The following RAVER2 variants were observed in gnomAD, a reference collection of about 807,000 sequenced individuals.
The protein encoded by RAVER2 is ribonucleoprotein PTB-binding 2.
A neutral mutation model predicts 78.1 loss-of-function variants in RAVER2; 46 were observed. The observed-to-expected ratio is 0.59, with a 90% CI of 0.46 to 0.75. The LOEUF is 0.75. Among genes scored for constraint, RAVER2 ranks in the 30% least tolerant of loss-of-function variants. The pLI, the probability that RAVER2 is intolerant of heterozygous loss-of-function variation, is 0.00. For missense variants in RAVER2, 793 were observed against 837.5 expected (o/e 0.95, Z 0.66); for synonymous variants, 311 against 313.3 (o/e 0.99, Z 0.08).
At chr1:64,767,357 G>A (rs966491160) in intron 1 of RAVER2, among the ~76,000 whole-genome samples, 2 of 152,036 alleles carry the variant, frequency 1.3e-5, no homozygotes, top group African/African-American at 2.4e-5. Context: ...GAGGTTGAGT[G>A]TCATCCTTGG....
intron 1 of RAVER2, among the ~76,000 whole-genome samples, chr1:64,753,500 A>G (rs1481870339): frequency 2.1e-5 from 3 of 145,614 alleles, no homozygotes. Context: ...TCCAACGTCT[A>G]CCCTCTGGCA....
intron 5 of RAVER2, 122 bp downstream of exon 5, chr1:64,789,636 A>AT (rs1652881868): frequency 1.2e-6 from 1 of 820,438 alleles, no homozygotes; most frequent in Non-Finnish European, 1.6e-6. Flanking sequence ...AGTATAAAAT[A>AT]TTTAATTTTT....
chr1:64,795,664 C>T (rs1291225994), intron 5 of RAVER2, among the ~76,000 whole-genome samples: 1 of 151,938 alleles, frequency 6.6e-6, no homozygotes, highest in Non-Finnish European at 1.5e-5. Context: ...ATCTTATATC[C>T]TACAGTCTTG....
chr1:64,806,186 G>T (rs747385809), intron 8 of RAVER2, among the ~76,000 whole-genome samples: 1 of 152,132 alleles, frequency 6.6e-6, no homozygotes, highest in Non-Finnish European at 1.5e-5. Flanking sequence ...GAACGGTTCA[G>T]AATTTTCCTA....
chr1:64,827,120 A>G (rs1402806052), intron 11 of RAVER2, among the ~76,000 whole-genome samples: 6 of 152,168 alleles, frequency 3.9e-5, no homozygotes, highest in Non-Finnish European at 8.8e-5. Context: ...ATAATTGTGA[A>G]TTGCATGAAA....
At chr1:64,772,395 A>G (rs375063374) in intron 2 of RAVER2, among the ~76,000 whole-genome samples, 1 of 152,144 alleles carries the variant, frequency 6.6e-6, no homozygotes, top group African/African-American at 2.4e-5. Context: ...GTTGATTTAT[A>G]TATGCATTTA....
chr1:64,810,286 T>C (rs1351129627), intron 9 of RAVER2, among the ~76,000 whole-genome samples: 1 of 152,166 alleles, frequency 6.6e-6, no homozygotes, highest in African/African-American at 2.4e-5. Flanking sequence ...GACTGGGTGG[T>C]TTAAACAACA....
intron 1 of RAVER2, among the ~76,000 whole-genome samples, chr1:64,751,156 G>A (rs549045113): frequency 1.3e-5 from 2 of 152,326 alleles, no homozygotes; most frequent in African/African-American, 4.8e-5. Context: ...ACTGGGTTAT[G>A]CTTAGAAATT....
intron 9 of RAVER2, among the ~76,000 whole-genome samples, chr1:64,807,762 G>A (rs985019389): frequency 2.6e-4 from 39 of 152,182 alleles, no homozygotes; most frequent in Admixed American, 5.2e-4. Flanking sequence ...AATGAGTTAC[G>A]TCTCTTATAA....
At chr1:64,779,408 G>A (rs1557591174) in intron 3 of RAVER2, among the ~76,000 whole-genome samples, 1 of 151,848 alleles carries the variant, frequency 6.6e-6, no homozygotes, top group Non-Finnish European at 1.5e-5. Context: ...TTGAGACAGG[G>A]TCTTTCTCTA....
At chr1:64,767,932 G>T (rs1356082637) in intron 1 of RAVER2, among the ~76,000 whole-genome samples, 1 of 151,926 alleles carries the variant, frequency 6.6e-6, no homozygotes, top group Non-Finnish European at 1.5e-5. Flanking sequence ...AAAAGTTTAG[G>T]CTATGTTAAT....
chr1:64,812,446 A>G (rs1653640440), intron 9 of RAVER2, among the ~76,000 whole-genome samples: 1 of 151,700 alleles, frequency 6.6e-6, no homozygotes, highest in Non-Finnish European at 1.5e-5. Context: ...TGGAAAAGAG[A>G]TATGGAATTT....
chr1:64,783,252 G>A (rs1277065314), intron 4 of RAVER2, among the ~76,000 whole-genome samples: 1 of 152,146 alleles, frequency 6.6e-6, no homozygotes, highest in African/African-American at 2.4e-5. Flanking sequence ...ATCCAGTAAT[G>A]GAATAGCTGG....
Position 64,803,833 on chromosome 1 carries a change from A to G in RAVER2, c.1191+772A>G, listed in dbSNP as rs142221945. Among the ~76,000 whole-genome samples the G allele has an allele frequency of 2.3e-3, 352 of 152,282 alleles. 2 individuals carry two copies. Among genetic ancestry groups the G allele is most frequent in the African/African-American group, 8.0e-3 (333 of 41,548 alleles). ...GTGTGGAATGTAACATTTAAAGTCT[A>G]TGTTATTATAGAATTTCAACCAGTA... On this transcript the variant is annotated intron_variant, in intron 6 of 11. Transcript: ENST00000294428.
chr1:64,801,202 A>C (rs1478396644), intron 5 of RAVER2, among the ~76,000 whole-genome samples: 1 of 151,644 alleles, frequency 6.6e-6, no homozygotes, highest in Non-Finnish European at 1.5e-5. Context: ...AGCCTCAAGC[A>C]GTTCTCCTGC....
chr1:64,777,551 G>A (rs1652499777), intron 2 of RAVER2, 72 bp from the exon 3 acceptor site: 2 of 1,256,196 alleles, frequency 1.6e-6, no homozygotes, highest in African/African-American at 3.0e-5. Flanking sequence ...CCAAGTCACA[G>A]AAGTAAGATA....
intron 5 of RAVER2, among the ~76,000 whole-genome samples, chr1:64,792,049 T>C (rs1001739665): frequency 3.3e-5 from 5 of 152,228 alleles, no homozygotes; most frequent in African/African-American, 1.2e-4. Context: ...AGATGGACCA[T>C]TGACAATCCA....
intron 5 of RAVER2, among the ~76,000 whole-genome samples, chr1:64,799,777 G>T (rs1377403525): frequency 6.6e-6 from 1 of 152,084 alleles, no homozygotes; most frequent in East Asian, 1.9e-4. Context: ...TTCATTAGTG[G>T]ATTGCTGGAT....
chr1:64,823,791 T>C (rs1653940743), intron 11 of RAVER2, among the ~76,000 whole-genome samples: 1 of 151,142 alleles, frequency 6.6e-6, no homozygotes, highest in Non-Finnish European at 1.5e-5. Context: ...GATATGACTG[T>C]GTAAGTTGTG....
Sources: gnomAD v4.1 joint callset for allele counts (sites outside exome capture counted in the v4.1 genomes callset) on GRCh38, gnomAD v4.1.1 for gene constraint, MANE v1.5 for transcripts, NCBI Gene and HGNC (gene_info 2026-07-23, HGNC 2026-07-21) for gene names.